HDAC4: variants seen among roughly 807,000 people sequenced by gnomAD.
HDAC4 encodes the protein histone deacetylase 4, also known as histone deacetylase A.
In HDAC4, 16 loss-of-function variants were observed where a neutral mutation model predicts 135.1. The ratio of observed to expected loss-of-function variants is 0.12; its 90% confidence interval spans 0.08 to 0.18. The LOEUF is 0.18. Among genes scored for constraint, HDAC4 ranks in the 10% least tolerant of loss-of-function variants. HDAC4 has a pLI of 1.00. For synonymous variants in HDAC4, 685 were observed against 653.4 expected, an observed-to-expected ratio of 1.05 and a Z score of -0.74; for missense variants, 1,143 against 1,511.8, an observed-to-expected ratio of 0.76 and a Z score of 4.05.
intron 3 of HDAC4, among the ~76,000 whole-genome samples, chr2:239,230,965 A>G (rs1015485305): frequency 1.3e-5 from 2 of 152,210 alleles, no homozygotes; most frequent in Non-Finnish European, 2.9e-5. Context: ...AAAATGTAAG[A>G]GCAGTGTCTG....
intron 1 of HDAC4, among the ~76,000 whole-genome samples, chr2:239,360,839 A>G (rs1693818795): frequency 6.6e-6 from 1 of 152,144 alleles, no homozygotes; most frequent in Non-Finnish European, 1.5e-5. Flanking sequence ...TTCTCCCCAT[A>G]GAAGTACTGG....
intron 1 of HDAC4, among the ~76,000 whole-genome samples, chr2:239,363,988 C>T (rs13417715): frequency 0.19 from 29,040 of 152,154 alleles, 4,900 homozygotes; most frequent in East Asian, 0.77. Context: ...TGTGTGACTG[C>T]AGGGAAACGC....
At chr2:239,280,502 G>A (rs111295532) in intron 2 of HDAC4, among the ~76,000 whole-genome samples, 106 of 152,258 alleles carry the variant, frequency 7.0e-4, no homozygotes, top group African/African-American at 2.5e-3. Flanking sequence ...CAGGTGACCC[G>A]GGCACTGCAC....
rs557467322 is a variant in HDAC4, at chr2:239,115,817, T to C, written c.1534-507A>G. 4.0e-5 allele frequency among the ~76,000 whole-genome samples: 6 copies of C among 151,422 alleles called. No homozygotes were observed. Among genetic ancestry groups the C allele is most frequent in the Non-Finnish European group, 7.4e-5 (5 of 67,764 alleles). ...CCCCTCCTGCAGGATCCCACCGATG[T>C]GCCATGACCTCCCTCCTGCCGGATC... On this transcript the variant is annotated intron_variant, in intron 12 of 26. Coordinates refer to ENST00000543185, the MANE Select transcript of HDAC4 (RefSeq NM_001378414.1). The surrounding 1 kb of genome is among the most constrained non-coding windows in gnomAD (Gnocchi z 6.3).
intron 2 of HDAC4, among the ~76,000 whole-genome samples, chr2:239,292,125 C>G (rs1233552733): frequency 6.6e-6 from 1 of 152,314 alleles, no homozygotes; most frequent in East Asian, 1.9e-4. Flanking sequence ...GCTTGCCCAT[C>G]GTGGCAAGGC....
intron 2 of HDAC4, among the ~76,000 whole-genome samples, chr2:239,263,851 G>C (rs573899479): frequency 6.6e-6 from 1 of 152,134 alleles, no homozygotes; most frequent in African/African-American, 2.4e-5. Context: ...CCTGCTGCTC[G>C]ATCTAAGCTG....
In HDAC4 at chr2:239,157,628, G is replaced by A. The variant is rs570609196; in HGVS notation, c.612-855C>T. 2.6e-5 allele frequency among the ~76,000 whole-genome samples: 4 copies of A among 152,330 alleles called. No individual in the cohort carries two copies. The East Asian group carries it at 7.7e-4, about 29-fold the overall frequency. ...CTTGCTCAAAACACTGTGCTGAGTG[G>A]AATAAATTCTGAGTCTTTAAACTGC... is the stretch of plus-strand genomic sequence containing the variant. On this transcript the variant is annotated intron_variant, in intron 6 of 26. Coordinates refer to ENST00000543185, the MANE Select transcript of HDAC4 (RefSeq NM_001378414.1).
Position 239,189,934 on chromosome 2 carries a change from G to T in HDAC4, c.238C>A (p.Gln80Lys). ...QLQQELLALK[Q>K]KQQIQRQILI... The stretch of plus-strand genomic sequence containing the variant: ...ATCTGCCTCTGGATCTGCTGCTTCT[G>T]CTTGAGCGCCAGGAGCTCCTGCTGC... Residue 80 changes from glutamine to lysine, a missense_variant, in exon 4 of 27, where the codon CAG (glutamine) becomes AAG (lysine). Physicochemically the swap from Gln to Lys is moderately conservative, Grantham distance 53. Transcript: ENST00000543185. The T allele has an allele frequency of 6.2e-7, 1 of 1,610,452 alleles. No homozygotes were observed.
rs937369837 is a variant in HDAC4, at chr2:239,058,638, T to C, written c.3004-3805A>G. On this transcript the variant is annotated intron_variant, in intron 24 of 26. Coordinates refer to ENST00000543185, the MANE Select transcript of HDAC4 (RefSeq NM_001378414.1). ...GAAAGGCCATTACTGGATATACAGG[T>C]TATTGTGATAAGACTTCAATTCATC... 2.6e-5 allele frequency among the ~76,000 whole-genome samples: 4 copies of C among 152,212 alleles called. No individual in the cohort carries two copies. In the South Asian group the frequency reaches 8.3e-4, roughly 32 times the overall value.
intron 2 of HDAC4, among the ~76,000 whole-genome samples, chr2:239,312,673 G>A (rs151206828): frequency 9.2e-5 from 14 of 152,204 alleles, no homozygotes; most frequent in Non-Finnish European, 1.9e-4. Context: ...CTGGAACAAG[G>A]TCTGTGGCGT....
chr2:239,274,399 T>C lies in HDAC4; in HGVS notation c.23-37735A>G, dbSNP rs374259584. Among the ~76,000 whole-genome samples, 98 of 152,246 alleles carry C rather than the reference T, an allele frequency of 6.4e-4. 1 individual carries two copies. The highest frequency in any genetic ancestry group is 6.4e-3 in the East Asian group (33 of 5,172). ...TTACCAAACGACAGGACAAGCCCAG[T>C]GCACCCCGGCGTCCCCTCCCAGTTT... On this transcript the variant is annotated intron_variant, in intron 2 of 26. Transcript: ENST00000543185.
At chr2:239,316,593 G>A (rs2053122925) in intron 2 of HDAC4, among the ~76,000 whole-genome samples, 1 of 152,206 alleles carries the variant, frequency 6.6e-6, no homozygotes, top group African/African-American at 2.4e-5. Context: ...ATACCAATGG[G>A]CCCTAGGTAA....
At chr2:239,078,351 C>T (rs899535308) in intron 22 of HDAC4, among the ~76,000 whole-genome samples, 1 of 152,164 alleles carries the variant, frequency 6.6e-6, no homozygotes, top group African/African-American at 2.4e-5. Context: ...TGCAATGTGG[C>T]AGGCAACGGG....
intron 2 of HDAC4, among the ~76,000 whole-genome samples, chr2:239,280,521 A>C (rs568077003): frequency 6.6e-6 from 1 of 152,252 alleles, no homozygotes; most frequent in South Asian, 2.1e-4. Context: ...ACGCCTCCCC[A>C]CCTGGTCCCA....
At chr2:239,276,127 A>G (rs1276226106) in intron 2 of HDAC4, among the ~76,000 whole-genome samples, 1 of 152,188 alleles carries the variant, frequency 6.6e-6, no homozygotes, top group Non-Finnish European at 1.5e-5. Flanking sequence ...GACTCACGGC[A>G]GACACCGACC....
At chr2:239,205,072 G>A (rs545995304) in intron 3 of HDAC4, among the ~76,000 whole-genome samples, 10 of 152,208 alleles carry the variant, frequency 6.6e-5, no homozygotes, top group East Asian at 5.8e-4. Flanking sequence ...TCATCCTTCC[G>A]GCCTGGTCTC....
At chr2:239,190,220 C>A (rs1327885474) in intron 3 of HDAC4, 143 bp from the exon 4 acceptor site, 1 of 1,147,838 alleles carries the variant, frequency 8.7e-7, no homozygotes, top group Non-Finnish European at 1.2e-6. Context: ...CCCTCTCCCC[C>A]TGTCCCCCTC....
In HDAC4 at chr2:239,352,926, G is replaced by A; in HGVS notation, c.-219-8C>T. 1.7e-6 allele frequency: 1 copy of A among 575,832 alleles called. No homozygotes were observed. Among genetic ancestry groups the A allele is most frequent in the South Asian group, 2.1e-5 (1 of 48,772 alleles). The allele number at this position is 575,832 out of a possible 1,614,324, so 35.7% of individuals were successfully genotyped here. A position where few individuals can be genotyped will look rare whatever the true frequency, so the allele number is the denominator to read the frequency against. ...TGGCTTCTGCAGATGAACCTGCAAG[G>A]TCAGAAGGAGAAAAGAGACTGGAGT... On this transcript the variant is annotated splice_polypyrimidine_tract_variant and splice_region_variant and intron_variant, in intron 1 of 26. Transcript: ENST00000543185. This position sits in a 1 kb window ranked among gnomAD's most constrained non-coding sequence, Gnocchi z 4.4.
intron 7 of HDAC4, among the ~76,000 whole-genome samples, chr2:239,151,543 T>C (rs1392711853): frequency 6.6e-6 from 1 of 152,026 alleles, no homozygotes; most frequent in Non-Finnish European, 1.5e-5. Flanking sequence ...GATGAACACT[T>C]TTCAAGCCTG....
Sources: allele counts gnomAD v4.1 joint callset (sites outside exome capture counted in the v4.1 genomes callset), GRCh38; gene constraint gnomAD v4.1.1; non-coding constraint Gnocchi (gnomAD v3.1); transcripts MANE v1.5; gene names NCBI Gene and HGNC (gene_info 2026-07-23, HGNC 2026-07-21).